Variants in MYO3B observed in about 807,000 individuals in gnomAD.
MYO3B encodes the protein myosin IIIB, also known as myosin-IIIb.
A neutral mutation model predicts 174.6 loss-of-function variants in MYO3B; 156 were observed. The observed-to-expected ratio is 0.89, with a 90% CI of 0.78 to 1.02. MYO3B has a LOEUF of 1.02. MYO3B is among the 50% of genes least tolerant of loss of function. The pLI is 0.00. For synonymous variants in MYO3B, 563 were observed against 569.1 expected (o/e 0.99, Z 0.15); for missense variants, 1,632 against 1,639.4 (o/e 1.00, Z 0.08).
chr2:170,507,725 A>G (rs549639592), intron 28 of MYO3B, among the ~76,000 whole-genome samples: 1 of 150,024 alleles, frequency 6.7e-6, no homozygotes, highest in African/African-American at 2.5e-5. Context: ...CAGGCTTAAC[A>G]TATCTTGTAG....
chr2:170,556,356 G>C (rs181785634), intron 32 of MYO3B, among the ~76,000 whole-genome samples: 1 of 152,200 alleles, frequency 6.6e-6, no homozygotes, highest in East Asian at 1.9e-4. Flanking sequence ...TAATACCTAG[G>C]AGCATGATTA....
chr2:170,507,250 C>T (rs982149717), intron 28 of MYO3B, among the ~76,000 whole-genome samples: 3 of 152,240 alleles, frequency 2.0e-5, no homozygotes, highest in African/African-American at 2.4e-5. Flanking sequence ...CCTCCCCATC[C>T]GCCTACCCCC....
intron 8 of MYO3B, chr2:170,351,196 A>C (rs1247943971): frequency 6.6e-6 from 1 of 152,036 alleles, no homozygotes; most frequent in East Asian, 1.9e-4. Flanking sequence ...AGCAGTGGTG[A>C]CTCCTGTGAG....
intron 1 of MYO3B, among the ~76,000 whole-genome samples, chr2:170,190,050 T>G (rs2092520399): frequency 2.0e-5 from 3 of 152,212 alleles, no homozygotes; most frequent in African/African-American, 7.2e-5. Flanking sequence ...AATATCTGCA[T>G]CAGGGGACAC....
Position 170,430,061 on chromosome 2 carries a change from G to A in MYO3B, c.2651-13906G>A, listed in dbSNP as rs369861259. 1.4e-4 allele frequency among the ~76,000 whole-genome samples: 21 copies of A among 148,428 alleles called. No individual in the cohort carries two copies. In the South Asian group the frequency reaches 4.5e-3, roughly 32 times the overall value. On this transcript the variant is annotated intron_variant, in intron 22 of 34. Transcript: ENST00000408978. ...GCAGATAAAAAATACAATATTGGTT[G>A]GATGCAAAACTGCATATATGGAGGG...
In MYO3B at chr2:170,529,798, A is replaced by G. The variant is rs139869302; in HGVS notation, c.3575+10258A>G. 1.5e-3 allele frequency among the ~76,000 whole-genome samples: 224 copies of G among 152,362 alleles called. 1 individual carries two copies. The highest frequency in any genetic ancestry group is 3.7e-3 in the South Asian group (18 of 4,832). On this transcript the variant is annotated intron_variant, in intron 30 of 34. Coordinates refer to ENST00000408978, the MANE Select transcript of MYO3B (RefSeq NM_138995.5). ...TTTGTAAAAATGAACTTTATATAAG[A>G]GTGCTTCATTATCAACACATAATGA...
intron 7 of MYO3B, among the ~76,000 whole-genome samples, chr2:170,312,982 T>TAA (rs2093750158): frequency 6.6e-6 from 1 of 152,242 alleles, no homozygotes; most frequent in Non-Finnish European, 1.5e-5. Context: ...GTGTTTTATT[T>TAA]TCTTAACCAT....
intron 22 of MYO3B, among the ~76,000 whole-genome samples, chr2:170,431,010 C>T (rs992830594): frequency 1.3e-5 from 2 of 152,172 alleles, no homozygotes; most frequent in African/African-American, 4.8e-5. Context: ...AGGACCATCC[C>T]TGATTGCTCT....
chr2:170,629,667 T>A (rs768970061), intron 32 of MYO3B, among the ~76,000 whole-genome samples: 2 of 152,042 alleles, frequency 1.3e-5, no homozygotes, highest in Non-Finnish European at 2.9e-5. Flanking sequence ...CTGGGCAACA[T>A]GGTGAAACTC....
intron 22 of MYO3B, among the ~76,000 whole-genome samples, chr2:170,433,112 T>C (rs141281015): frequency 1.2e-3 from 179 of 152,304 alleles, no homozygotes; most frequent in African/African-American, 4.2e-3. Flanking sequence ...TTACATTTTA[T>C]ACCATATTTT....
chr2:170,427,376 A>C (rs2094673040), intron 22 of MYO3B, among the ~76,000 whole-genome samples: 1 of 152,258 alleles, frequency 6.6e-6, no homozygotes, highest in African/African-American at 2.4e-5. Flanking sequence ...TTACAGTTCC[A>C]TAAAGCCAAG....
intron 8 of MYO3B, among the ~76,000 whole-genome samples, chr2:170,336,160 C>G (rs1217791660): frequency 6.6e-6 from 1 of 151,602 alleles, no homozygotes; most frequent in African/African-American, 2.4e-5. Context: ...GTTACAGGGC[C>G]CCAAGCTAGG....
intron 1 of MYO3B, among the ~76,000 whole-genome samples, chr2:170,187,018 TA>T (rs2092472796): frequency 6.6e-6 from 1 of 150,810 alleles, no homozygotes. Flanking sequence ...TTTTTTTTTT[TA>T]AGTCTGGCTA....
At chr2:170,263,905 G>A (rs916014563) in intron 7 of MYO3B, among the ~76,000 whole-genome samples, 1 of 152,178 alleles carries the variant, frequency 6.6e-6, no homozygotes, top group Admixed American at 6.5e-5. Context: ...CTTCCCGTGA[G>A]GCCATATCTC....
At chr2:170,242,295 A>T (rs1359620654) in intron 7 of MYO3B, among the ~76,000 whole-genome samples, 1 of 152,172 alleles carries the variant, frequency 6.6e-6, no homozygotes, top group African/African-American at 2.4e-5. Flanking sequence ...AAAAACAGTT[A>T]TGTTTTATGT....
intron 7 of MYO3B, among the ~76,000 whole-genome samples, chr2:170,281,191 C>T (rs1234976412): frequency 6.6e-6 from 1 of 152,162 alleles, no homozygotes; most frequent in East Asian, 1.9e-4. Flanking sequence ...AGATCTTTCA[C>T]TTCCCTGGTT....
chr2:170,621,454 A>T (rs1470942863), intron 32 of MYO3B, among the ~76,000 whole-genome samples: 1 of 152,054 alleles, frequency 6.6e-6, no homozygotes, highest in Admixed American at 6.6e-5. Flanking sequence ...TCCATATTAA[A>T]TACTACAACT....
At chr2:170,354,081 C>T (rs2094100099) in intron 8 of MYO3B, among the ~76,000 whole-genome samples, 1 of 152,186 alleles carries the variant, frequency 6.6e-6, no homozygotes. Context: ...TGTTACCTGT[C>T]CTTGGCAACA....
chr2:170,608,903 A>T (rs1157740478), intron 32 of MYO3B, among the ~76,000 whole-genome samples: 1 of 152,254 alleles, frequency 6.6e-6, no homozygotes, highest in East Asian at 1.9e-4. Flanking sequence ...TATGTCGTAC[A>T]TAGGCCCAAT....
Sources: allele counts gnomAD v4.1 joint callset (sites outside exome capture counted in the v4.1 genomes callset), GRCh38; gene constraint gnomAD v4.1.1; transcripts MANE v1.5; gene names NCBI Gene and HGNC (gene_info 2026-07-23, HGNC 2026-07-21).